Variants in PTPRD observed in about 807,000 individuals in gnomAD.
The protein encoded by PTPRD is protein tyrosine phosphatase receptor type D.
In PTPRD, 34 loss-of-function variants were observed where a neutral mutation model predicts 214.5. That is an observed-to-expected ratio of 0.16 (90% confidence interval 0.12 to 0.21). PTPRD has a LOEUF of 0.21. PTPRD is among the 10% of genes least tolerant of loss of function. The pLI is 1.00. For missense variants in PTPRD, 2,545 were observed against 2,398.7 expected, an observed-to-expected ratio of 1.06 and a Z score of -1.27; for synonymous variants, 1,128 against 845.7, an observed-to-expected ratio of 1.33 and a Z score of -5.79.
intron 12 of PTPRD, among the ~76,000 whole-genome samples, chr9:8,647,163 G>C (rs558582022): frequency 6.6e-6 from 1 of 152,170 alleles, no homozygotes; most frequent in Non-Finnish European, 1.5e-5. Flanking sequence ...ATAATATAAC[G>C]TGATGAGTCT....
chr9:10,218,961 G>C (rs564709871), intron 3 of PTPRD, among the ~76,000 whole-genome samples: 1 of 151,666 alleles, frequency 6.6e-6, no homozygotes, highest in African/African-American at 2.4e-5. Context: ...AAAATTAAAA[G>C]TAAGAAGAAA....
intron 7 of PTPRD, among the ~76,000 whole-genome samples, chr9:9,603,755 C>A (rs1236377173): frequency 6.6e-6 from 1 of 152,046 alleles, no homozygotes; most frequent in African/African-American, 2.4e-5. Flanking sequence ...TGAATCAAGT[C>A]CCTGGTGGCC....
chr9:9,830,942 G>C (rs763043196), intron 5 of PTPRD, among the ~76,000 whole-genome samples: 16 of 151,872 alleles, frequency 1.1e-4, no homozygotes, highest in Non-Finnish European at 1.6e-4. Flanking sequence ...AGACCCTCAA[G>C]AATATGCAAG....
chr9:10,186,070 T>C (rs1193816281), intron 3 of PTPRD, among the ~76,000 whole-genome samples: 1 of 146,628 alleles, frequency 6.8e-6, no homozygotes, highest in Non-Finnish European at 1.5e-5. Context: ...AAGATAATTA[T>C]GCTAGAAATA....
intron 7 of PTPRD, among the ~76,000 whole-genome samples, chr9:9,585,292 T>C (rs920419764): frequency 6.6e-6 from 1 of 152,108 alleles, no homozygotes; most frequent in African/African-American, 2.4e-5. Flanking sequence ...AATCAAGGTA[T>C]GAATATATTT....
At chr9:9,448,355 T>C (rs539115072) in intron 8 of PTPRD, among the ~76,000 whole-genome samples, 16 of 152,132 alleles carry the variant, frequency 1.1e-4, no homozygotes, top group Admixed American at 9.8e-4. Context: ...GATTGGATCA[T>C]GGTGTCAGTT....
intron 38 of PTPRD, 127 bp from the exon 39 acceptor site, chr9:8,376,217 G>A (rs1227505353): frequency 2.8e-6 from 3 of 1,081,366 alleles, no homozygotes; most frequent in Non-Finnish European, 2.6e-6. Context: ...TAGCCTTTGG[G>A]AAGACACACT....
intron 12 of PTPRD, among the ~76,000 whole-genome samples, chr9:8,640,093 G>T (rs749567289): frequency 6.6e-6 from 1 of 152,008 alleles, no homozygotes; most frequent in African/African-American, 2.4e-5. Context: ...ACCATGCCTG[G>T]GTAATGTTTT....
At chr9:8,572,116 C>T (rs2091309650) in intron 14 of PTPRD, among the ~76,000 whole-genome samples, 1 of 152,068 alleles carries the variant, frequency 6.6e-6, no homozygotes, top group Non-Finnish European at 1.5e-5. Flanking sequence ...ACTCAAAGAG[C>T]TCATTTAATA....
chr9:8,786,694 C>A (rs1486664197), intron 11 of PTPRD, among the ~76,000 whole-genome samples: 2 of 150,776 alleles, frequency 1.3e-5, no homozygotes, highest in East Asian at 3.9e-4. Context: ...GGATTACAGG[C>A]ATGAGCCATC....
intron 8 of PTPRD, among the ~76,000 whole-genome samples, chr9:9,413,118 T>TTTTG: frequency 8.3e-6 from 1 of 120,140 alleles, no homozygotes; most frequent in Non-Finnish European, 1.7e-5. Context: ...TTTTTTTTTT[T>TTTTG]TTTTTTTGAG....
intron 43 of PTPRD, among the ~76,000 whole-genome samples, chr9:8,336,749 G>GA (rs1309928089): frequency 6.9e-6 from 1 of 145,408 alleles, no homozygotes; most frequent in East Asian, 2.0e-4. Context: ...GAACTTAAAC[G>GA]AATTTACAGG....
At chr9:8,451,776 C>A in intron 33 of PTPRD, 1 of 398,564 alleles carries the variant, frequency 2.5e-6, no homozygotes, top group South Asian at 1.9e-5. Flanking sequence ...ACTAATGTGT[C>A]AGGCCCAACG....
intron 9 of PTPRD, among the ~76,000 whole-genome samples, chr9:9,329,106 A>C (rs1439405317): frequency 6.6e-6 from 1 of 152,124 alleles, no homozygotes; most frequent in African/African-American, 2.4e-5. Context: ...TCCTCTTCCC[A>C]AAACCACCTC....
chr9:9,861,423 T>C (rs1344923563), intron 5 of PTPRD, among the ~76,000 whole-genome samples: 1 of 152,120 alleles, frequency 6.6e-6, no homozygotes, highest in South Asian at 2.1e-4. Flanking sequence ...CCCGAGTAGC[T>C]GGGACTACAG....
chr9:9,846,766 G>A (rs1286174202), intron 5 of PTPRD, among the ~76,000 whole-genome samples: 1 of 152,052 alleles, frequency 6.6e-6, no homozygotes. Context: ...ACACTGCTTG[G>A]ACAGCATAAA....
intron 10 of PTPRD, among the ~76,000 whole-genome samples, chr9:9,168,536 A>T (rs141601145): frequency 4.5e-4 from 69 of 152,278 alleles, no homozygotes; most frequent in African/African-American, 1.6e-3. Context: ...GGTTGTCTCA[A>T]AATGTCTTTT....
At chr9:9,097,310 G>C (rs530709078) in intron 10 of PTPRD, among the ~76,000 whole-genome samples, 2 of 152,172 alleles carry the variant, frequency 1.3e-5, no homozygotes, top group Admixed American at 6.5e-5. Context: ...TAAAGCAAAG[G>C]TTTTTGGGGT....
At chr9:9,193,316 G>C (rs1023120327) in intron 9 of PTPRD, among the ~76,000 whole-genome samples, 1 of 152,082 alleles carries the variant, frequency 6.6e-6, no homozygotes, top group Admixed American at 6.6e-5. Flanking sequence ...AGCTGCATGT[G>C]AACATGATAA....
Sources: allele counts gnomAD v4.1 joint callset (sites outside exome capture counted in the v4.1 genomes callset), GRCh38; gene constraint gnomAD v4.1.1; transcripts MANE v1.5; gene names NCBI Gene and HGNC (gene_info 2026-07-23, HGNC 2026-07-21).